MMUT: variants seen among roughly 807,000 people sequenced by gnomAD.
MMUT encodes the protein methylmalonyl-CoA mutase, also known as methylmalonyl-CoA mutase, mitochondrial.
A neutral mutation model predicts 79.9 loss-of-function variants in MMUT; 79 were observed. That is an observed-to-expected ratio of 0.99 (90% CI 0.82 to 1.19). MMUT has a LOEUF of 1.19. Ranked by LOEUF, MMUT falls within the 50% of genes most tolerant of loss-of-function variation. The pLI, the probability that MMUT is intolerant of heterozygous loss-of-function variation, is 0.00. For missense variants in MMUT, 860 were observed against 917.2 expected, an observed-to-expected ratio of 0.94 and a Z score of 0.81; for synonymous variants, 273 against 295.7, an observed-to-expected ratio of 0.92 and a Z score of 0.79.
intron 6 of MMUT, among the ~76,000 whole-genome samples, chr6:49,449,394 T>G (rs1581828507): frequency 2.0e-5 from 3 of 152,310 alleles, no homozygotes; most frequent in Admixed American, 2.0e-4. Flanking sequence ...TGGAATGATA[T>G]ATGACTTAGC....
chr6:49,435,314 T>C, intron 12 of MMUT, 142 bp downstream of exon 12: 2 of 874,344 alleles, frequency 2.3e-6, no homozygotes. Context: ...CTGTCCACTT[T>C]TAGACCTTGT....
intron 9 of MMUT, 75 bp from the exon 10 acceptor site, chr6:49,442,046 A>G (rs1264635931): frequency 7.0e-7 from 1 of 1,425,842 alleles, no homozygotes; most frequent in African/African-American, 1.4e-5. Context: ...AATATTCAAT[A>G]TAATTAAACA....
At chr6:49,440,492 T>C in intron 10 of MMUT, 139 bp from the exon 11 acceptor site, 2 of 936,734 alleles carry the variant, frequency 2.1e-6, no homozygotes, top group Non-Finnish European at 1.6e-6. Context: ...TGGGTTGTTT[T>C]TTTTTTCCAA....
chr6:49,446,333 C>A (rs1480043257), intron 8 of MMUT, among the ~76,000 whole-genome samples: 2 of 151,824 alleles, frequency 1.3e-5, no homozygotes, highest in Non-Finnish European at 2.9e-5. Context: ...AGTATTGCAG[C>A]AGAAATATAT....
In MMUT at chr6:49,431,684, A is replaced by G. The variant is rs1766980869; in HGVS notation, c.*44T>C. 6.3e-6 allele frequency: 10 copies of G among 1,574,958 alleles called. No homozygotes were observed. The highest frequency in any genetic ancestry group is 7.9e-6 in the Non-Finnish European group (9 of 1,145,990). ...AGCTTTACTCTCTTCTTTGATCATA[A>G]CTAAAATAATATTTTAGACAAAAGC... On this transcript the variant is annotated 3_prime_UTR_variant, in exon 13 of 13. Coordinates refer to ENST00000274813, the MANE Select transcript of MMUT (RefSeq NM_000255.4).
At chr6:49,432,940 T>G (rs561877281) in intron 12 of MMUT, among the ~76,000 whole-genome samples, 1 of 152,226 alleles carries the variant, frequency 6.6e-6, no homozygotes, top group South Asian at 2.1e-4. Context: ...AATTATATGG[T>G]CATGCTAATT....
In MMUT at chr6:49,459,023, T is replaced by C. The variant is rs1767764713; in HGVS notation, c.385+59A>G. 9 of 1,539,592 alleles carry C rather than the reference T, an allele frequency of 5.8e-6. No individual in the cohort carries two copies. In the Admixed American group the frequency reaches 1.4e-4, roughly 24 times the overall value. On this transcript the variant is annotated intron_variant, in intron 2 of 12. Transcript: ENST00000274813. ...TTTACAGAGATTAACCCCCAAAAAA[T>C]AAAAAACTAGGAGGCATATGACTTA...
chr6:49,443,903 T>C (rs2127415745), intron 9 of MMUT: 1 of 357,624 alleles, frequency 2.8e-6, no homozygotes, highest in East Asian at 9.2e-5. Flanking sequence ...AAGGAGCATG[T>C]TAAGGGTTAC....
rs200394018 is a variant in MMUT, at chr6:49,453,770, G to A, written c.912-14C>T. 2.8e-5 allele frequency: 44 copies of A among 1,598,632 alleles called. No individual in the cohort carries two copies. The highest frequency in any genetic ancestry group is 4.0e-5 in the African/African-American group (3 of 74,652). On this transcript the variant is annotated splice_polypyrimidine_tract_variant and intron_variant, in intron 4 of 12. Transcript: ENST00000274813. ...AAGAAAGACAACCTAAAATAGTAACGTTAGGTCCAGAATTTAATTAAAGTT... is the reference window on the plus strand; with the variant it reads ...AAGAAAGACAACCTAAAATAGTAACATTAGGTCCAGAATTTAATTAAAGTT...
rs148616998 is a variant in MMUT, at chr6:49,453,257, G to A, written c.1083+328C>T. ...GTTTTTGCCAGGTTGGCCAGGCTGG[G>A]TGCCTCGGCCTCCCAAAATGTTGGA... On this transcript the variant is annotated intron_variant, in intron 5 of 12. Coordinates refer to ENST00000274813, the MANE Select transcript of MMUT (RefSeq NM_000255.4). Among the ~76,000 whole-genome samples, 192 of 151,666 alleles carry A rather than the reference G, an allele frequency of 1.3e-3. 2 individuals carry two copies. The highest frequency in any genetic ancestry group is 4.3e-3 in the African/African-American group (180 of 41,420).
intron 6 of MMUT, among the ~76,000 whole-genome samples, chr6:49,450,393 A>G (rs1198750392): frequency 1.3e-5 from 2 of 152,014 alleles, no homozygotes; most frequent in Non-Finnish European, 2.9e-5. Flanking sequence ...CTATAAAAAT[A>G]TTTTTTAAAA....
chr6:49,447,407 T>C (rs2127416691), intron 8 of MMUT, among the ~76,000 whole-genome samples: 1 of 151,962 alleles, frequency 6.6e-6, no homozygotes, highest in Non-Finnish European at 1.5e-5. Context: ...TAATAACAAC[T>C]TATAAGTTTC....
intron 11 of MMUT, among the ~76,000 whole-genome samples, chr6:49,439,025 T>C (rs1767204305): frequency 1.3e-5 from 2 of 152,054 alleles, no homozygotes; most frequent in Admixed American, 6.6e-5. Context: ...ATATAAAGGC[T>C]GAGGGAGAGA....
chr6:49,456,748 C>CTTA (rs1375255809), intron 3 of MMUT, among the ~76,000 whole-genome samples: 3 of 152,118 alleles, frequency 2.0e-5, no homozygotes, highest in African/African-American at 7.2e-5. Flanking sequence ...TGATTTGATT[C>CTTA]TTAGTACTAT....
chr6:49,435,595 A>T lies in MMUT; in HGVS notation c.1985T>A (p.Val662Glu). ...GCCCACAGCATGCACATCCGCATCCACAGCCTGCTGGGCCACTTCACGAGG... is the reference window on the plus strand; with the variant it reads ...GCCCACAGCATGCACATCCGCATCCTCAGCCTGCTGGGCCACTTCACGAGG... ...QTPREVAQQA[V>E]DADVHAVGIS... The change falls in exon 12 of 13, where the codon GTG becomes GAG. Residue 662 changes from valine (V) to glutamate (E), a missense_variant. By Grantham distance (121) the Val-to-Glu change is moderately radical. Coordinates refer to ENST00000274813, the MANE Select transcript of MMUT (RefSeq NM_000255.4). The T allele has an allele frequency of 6.2e-7, 1 of 1,614,008 alleles. No homozygotes were observed. Among genetic ancestry groups the T allele is most frequent in the Non-Finnish European group, 8.5e-7 (1 of 1,179,978 alleles).
Position 49,459,422 on chromosome 6 carries a change from G to C in MMUT, c.45C>G (p.Tyr15Ter). 1 of 1,613,580 alleles carries C rather than the reference G, an allele frequency of 6.2e-7. No homozygotes were observed. ...KNQLFLLSPH[Y>*]LRQVKESSGS... Reference sequence around the variant, plus strand: ...CTGATGATTCTTTTACCTGCCTCAGGTAATGAGGTGAAAGTAAAAAAAGCT... The same window carrying C: ...CTGATGATTCTTTTACCTGCCTCAGCTAATGAGGTGAAAGTAAAAAAAGCT... Residue 15 changes from tyrosine to a stop codon, truncating the protein, a stop_gained, in exon 2 of 13, where the codon TAC (tyrosine) becomes TAG (stop). Transcript: ENST00000274813. LOFTEE classifies it high-confidence loss of function.
Position 49,457,786 on chromosome 6 carries a change from C to A in MMUT, c.658G>T (p.Asp220Tyr). The A allele has an allele frequency of 6.2e-7, 1 of 1,613,102 alleles. No homozygotes were observed. Among genetic ancestry groups the A allele is most frequent in the Non-Finnish European group, 8.5e-7 (1 of 1,179,290 alleles). ...CGAACCATAAATTCCTTTAGTATATCATTTTGGATGGTACCAGTAAGCTTC... is the reference window on the plus strand; with the variant it reads ...CGAACCATAAATTCCTTTAGTATATAATTTTGGATGGTACCAGTAAGCTTC... Reference protein sequence around the residue: ...KEKLTGTIQNDILKEFMVRNT... With the variant: ...KEKLTGTIQNYILKEFMVRNT... The change falls in exon 3 of 13, where the codon GAT (aspartate) becomes TAT (tyrosine). Residue 220 changes from aspartate (D) to tyrosine (Y), a missense_variant. Physicochemically the swap from Asp to Tyr is radical, Grantham distance 160. Coordinates refer to ENST00000274813, the MANE Select transcript of MMUT (RefSeq NM_000255.4).
chr6:49,459,717 C>T (rs961515055), intron 1 of MMUT, among the ~76,000 whole-genome samples: 6 of 152,120 alleles, frequency 3.9e-5, no homozygotes, highest in Non-Finnish European at 5.9e-5. Context: ...CCTCAGTAGC[C>T]TCTTAGCTGG....
rs540028839 is a variant in MMUT at position 49,443,193 on chromosome 6, A to G, written c.1677-1222T>C. 2.0e-5 allele frequency among the ~76,000 whole-genome samples: 3 copies of G among 152,260 alleles called. No individual in the cohort carries two copies. In the East Asian group the frequency reaches 5.8e-4, roughly 29 times the overall value. ...TTTATTCTGGACTATCTTTTCAAAG[A>G]TGTCTGTATAGTGAATCGCCTTAGA... On this transcript the variant is annotated intron_variant, in intron 9 of 12. Coordinates refer to ENST00000274813, the MANE Select transcript of MMUT (RefSeq NM_000255.4).
Sources: allele counts gnomAD v4.1 joint callset (sites outside exome capture counted in the v4.1 genomes callset), GRCh38; gene constraint gnomAD v4.1.1; transcripts MANE v1.5; gene names NCBI Gene and HGNC (gene_info 2026-07-23, HGNC 2026-07-21).